EFNA5: variants seen among roughly 807,000 people sequenced by gnomAD.
The protein encoded by EFNA5 is ephrin-A5.
Under a neutral mutation model 22.9 loss-of-function variants are expected in EFNA5, and 5 were observed. The observed-to-expected ratio is 0.22, with a 90% CI of 0.11 to 0.46. The LOEUF (loss-of-function observed/expected upper bound fraction) is 0.46, where lower values mean the gene tolerates loss of function less well. Ranked by LOEUF, EFNA5 falls within the 20% of genes least tolerant of loss-of-function variation. EFNA5 has a pLI of 0.99. For missense variants in EFNA5, 237 were observed against 293.3 expected (o/e 0.81, Z 1.40); for synonymous variants, 113 against 112.2 (o/e 1.01, Z -0.04).
At chr5:107,569,091 C>T (rs1049764817) in intron 1 of EFNA5, among the ~76,000 whole-genome samples, 3 of 152,006 alleles carry the variant, frequency 2.0e-5, no homozygotes. Flanking sequence ...CTATACTTAG[C>T]ATATTAACCC....
At chr5:107,428,759 T>C (rs252805) in intron 1 of EFNA5, among the ~76,000 whole-genome samples, 117,985 of 152,098 alleles carry the variant, frequency 0.78, 46,205 homozygotes, top group Non-Finnish European at 0.81. Flanking sequence ...GGCAGTGAGA[T>C]AGTTTATTCC....
intron 2 of EFNA5, among the ~76,000 whole-genome samples, chr5:107,401,807 G>A (rs551668540): frequency 2.8e-4 from 42 of 152,294 alleles, no homozygotes; most frequent in Admixed American, 1.2e-3. Context: ...TTTCATTCGG[G>A]TGAAAAGATC....
rs773267597 is a variant in EFNA5, at chr5:107,648,634, C to A, written c.125+21855G>T. 2.6e-5 allele frequency among the ~76,000 whole-genome samples: 4 copies of A among 152,080 alleles called. No individual in the cohort carries two copies. The South Asian group carries it at 6.2e-4, about 24-fold the overall frequency. On this transcript the variant is annotated intron_variant, in intron 1 of 4. Transcript: ENST00000333274. ...ATACAGCACAGTTGCGATCTCCCTG[C>A]GTCAAACTTCAGGATTCAACTCATC...
intron 1 of EFNA5, among the ~76,000 whole-genome samples, chr5:107,486,230 A>T (rs1161296632): frequency 6.6e-6 from 1 of 152,236 alleles, no homozygotes; most frequent in Non-Finnish European, 1.5e-5. Flanking sequence ...AAGAGCACCC[A>T]GGCCCTGCTA....
intron 1 of EFNA5, among the ~76,000 whole-genome samples, chr5:107,652,981 C>CAAGG (rs1347470058): frequency 2.0e-5 from 3 of 151,968 alleles, no homozygotes; most frequent in African/African-American, 7.2e-5. Flanking sequence ...TCTCCCTCAC[C>CAAGG]CATCTGATGC....
intron 1 of EFNA5, among the ~76,000 whole-genome samples, chr5:107,549,377 G>A (rs1426197486): frequency 6.6e-6 from 1 of 152,180 alleles, no homozygotes; most frequent in East Asian, 1.9e-4. Flanking sequence ...TCCCCACAAA[G>A]TCTTTAAGAT....
intron 1 of EFNA5, among the ~76,000 whole-genome samples, chr5:107,609,472 T>C (rs1022584329): frequency 6.6e-6 from 1 of 151,492 alleles, no homozygotes; most frequent in African/African-American, 2.4e-5. Context: ...GCGGCAGGAG[T>C]AGTAGATCCA....
intron 1 of EFNA5, among the ~76,000 whole-genome samples, chr5:107,625,720 A>G (rs1460473210): frequency 6.6e-6 from 1 of 152,224 alleles, no homozygotes; most frequent in African/African-American, 2.4e-5. Context: ...CAATTGTGAA[A>G]TTAAAATATG....
intron 2 of EFNA5, among the ~76,000 whole-genome samples, chr5:107,407,340 T>C (rs1023391691): frequency 1.3e-5 from 2 of 152,188 alleles, no homozygotes; most frequent in African/African-American, 4.8e-5. Flanking sequence ...ATGACCACTT[T>C]CGCATCCTCA....
chr5:107,481,571 G>A (rs1354034183), intron 1 of EFNA5, among the ~76,000 whole-genome samples: 1 of 152,146 alleles, frequency 6.6e-6, no homozygotes, highest in Non-Finnish European at 1.5e-5. Flanking sequence ...TGAAAAGAAT[G>A]CCAGGTATGG....
Position 107,539,763 on chromosome 5 carries a change from C to T in EFNA5, c.126-112254G>A, listed in dbSNP as rs114824708. 6.5e-3 allele frequency among the ~76,000 whole-genome samples: 986 copies of T among 152,218 alleles called. 11 individuals are homozygous for T. Among genetic ancestry groups the T allele is most frequent in the African/African-American group, 0.022 (920 of 41,532 alleles). ...ATAGGCACAAGCCACAGCGCCCGGC[C>T]AGAAAACTCTTAAATGGATACAAAC... On this transcript the variant is annotated intron_variant, in intron 1 of 4. Coordinates refer to ENST00000333274, the MANE Select transcript of EFNA5 (RefSeq NM_001962.3).
At chr5:107,417,758 A>G (rs1381353198) in intron 2 of EFNA5, among the ~76,000 whole-genome samples, 1 of 152,188 alleles carries the variant, frequency 6.6e-6, no homozygotes, top group Non-Finnish European at 1.5e-5. Context: ...AAATTTCTAC[A>G]TATCTCTGGC....
At chr5:107,562,279 A>T (rs756520641) in intron 1 of EFNA5, among the ~76,000 whole-genome samples, 1 of 152,152 alleles carries the variant, frequency 6.6e-6, no homozygotes, top group Non-Finnish European at 1.5e-5. Context: ...CAGTGAAGTG[A>T]AGCCCGCCTT....
At chr5:107,642,893 T>C (rs931492175) in intron 1 of EFNA5, among the ~76,000 whole-genome samples, 11 of 151,622 alleles carry the variant, frequency 7.3e-5, no homozygotes, top group Middle Eastern at 3.4e-3. Flanking sequence ...ATTTGTGTTT[T>C]GTGTGTCATC....
At chr5:107,463,713 T>A (rs1317034850) in intron 1 of EFNA5, among the ~76,000 whole-genome samples, 1 of 152,222 alleles carries the variant, frequency 6.6e-6, no homozygotes, top group African/African-American at 2.4e-5. Context: ...GCTATAGCTA[T>A]AAGAATTTTC....
At chr5:107,586,321 C>T (rs1749185300) in intron 1 of EFNA5, among the ~76,000 whole-genome samples, 1 of 151,912 alleles carries the variant, frequency 6.6e-6, no homozygotes, top group South Asian at 2.1e-4. Flanking sequence ...AAAAACTAGA[C>T]CAAAGAAAGA....
intron 1 of EFNA5, among the ~76,000 whole-genome samples, chr5:107,564,553 G>A (rs1332217843): frequency 6.6e-6 from 1 of 151,594 alleles, no homozygotes; most frequent in Non-Finnish European, 1.5e-5. Flanking sequence ...ACAAATGTTT[G>A]TCAAGTGCCA....
In EFNA5 at chr5:107,666,972, G is replaced by A. The variant is rs145061725; in HGVS notation, c.125+3517C>T. 6.8e-4 allele frequency among the ~76,000 whole-genome samples: 103 copies of A among 152,094 alleles called. 1 individual carries two copies. The East Asian group carries it at 0.019, about 29-fold the overall frequency. Reference sequence around the variant, plus strand: ...GAAGTCTTTTTAACTTTATTTAAAAGCTTTTTACATTCTTAAAGAAATTAA... The same window carrying A: ...GAAGTCTTTTTAACTTTATTTAAAAACTTTTTACATTCTTAAAGAAATTAA... On this transcript the variant is annotated intron_variant, in intron 1 of 4. Transcript: ENST00000333274.
chr5:107,648,147 C>T (rs1287839167), intron 1 of EFNA5, among the ~76,000 whole-genome samples: 1 of 152,046 alleles, frequency 6.6e-6, no homozygotes, highest in Non-Finnish European at 1.5e-5. Flanking sequence ...TTTAAAGAAC[C>T]AACATGTCTT....
Sources: gnomAD v4.1 joint callset for allele counts (sites outside exome capture counted in the v4.1 genomes callset) on GRCh38, gnomAD v4.1.1 for gene constraint, MANE v1.5 for transcripts, NCBI Gene and HGNC (gene_info 2026-07-23, HGNC 2026-07-21) for gene names.